EFNA5: variants seen among roughly 807,000 people sequenced by gnomAD.
EFNA5 encodes ephrin A5, also known as ephrin-A5.
Under a neutral mutation model 22.9 loss-of-function variants are expected in EFNA5, and 5 were observed. The ratio of observed to expected loss-of-function variants is 0.22; its 90% CI spans 0.11 to 0.46. EFNA5 has a LOEUF of 0.46. EFNA5 is among the 20% of genes least tolerant of loss of function. The pLI is 0.99. For missense variants in EFNA5, 237 were observed against 293.3 expected (o/e 0.81, Z 1.40); for synonymous variants, 113 against 112.2 (o/e 1.01, Z -0.04).
chr5:107,435,897 T>C (rs1468315951), intron 1 of EFNA5, among the ~76,000 whole-genome samples: 1 of 152,230 alleles, frequency 6.6e-6, no homozygotes, highest in Non-Finnish European at 1.5e-5. Flanking sequence ...TTACCTTAAG[T>C]TCAGTAACTG....
intron 1 of EFNA5, among the ~76,000 whole-genome samples, chr5:107,650,047 C>T (rs1750698242): frequency 6.6e-6 from 1 of 152,064 alleles, no homozygotes; most frequent in Non-Finnish European, 1.5e-5. Context: ...CCTCAAGAAT[C>T]TTAGAATCTA....
chr5:107,491,903 C>T (rs568780565), intron 1 of EFNA5, among the ~76,000 whole-genome samples: 7 of 152,230 alleles, frequency 4.6e-5, no homozygotes, highest in South Asian at 4.1e-4. Context: ...GGTGCAATCT[C>T]GGCTCACTGC....
intron 1 of EFNA5, among the ~76,000 whole-genome samples, chr5:107,551,636 C>A (rs770755029): frequency 6.6e-6 from 1 of 152,058 alleles, no homozygotes; most frequent in South Asian, 2.1e-4. Flanking sequence ...TTTAGCAACT[C>A]CCTGCCGATC....
intron 1 of EFNA5, among the ~76,000 whole-genome samples, chr5:107,549,475 T>C (rs935633569): frequency 1.4e-4 from 22 of 152,226 alleles, no homozygotes; most frequent in Admixed American, 2.0e-4. Flanking sequence ...AGTAGCAGCT[T>C]GTTAGTCCCC....
intron 1 of EFNA5, among the ~76,000 whole-genome samples, chr5:107,622,654 A>G (rs922709178): frequency 2.6e-5 from 4 of 152,070 alleles, no homozygotes; most frequent in Admixed American, 6.6e-5. Flanking sequence ...CCTGATGTCA[A>G]TATTATTATT....
chr5:107,518,115 A>G (rs982790494), intron 1 of EFNA5, among the ~76,000 whole-genome samples: 1 of 152,074 alleles, frequency 6.6e-6, no homozygotes, highest in Non-Finnish European at 1.5e-5. Flanking sequence ...GCTACAGGAG[A>G]GATGAAAGGT....
At chr5:107,574,102 T>G (rs574990484) in intron 1 of EFNA5, among the ~76,000 whole-genome samples, 7 of 152,358 alleles carry the variant, frequency 4.6e-5, no homozygotes, top group Admixed American at 3.3e-4. Context: ...ACTACTATTT[T>G]ATTTCAAGTA....
In EFNA5 at chr5:107,565,678, T is replaced by G. The variant is rs916304909; in HGVS notation, c.125+104811A>C. Among the ~76,000 whole-genome samples the G allele has an allele frequency of 4.6e-5, 7 of 152,326 alleles. No homozygotes were observed. The East Asian group carries it at 1.3e-3, about 29-fold the overall frequency. Reference sequence around the variant, plus strand: ...GCCAAATAATGCTAGGTATATATATTAAACACAAAAGCCTGCAAGAAAACT... The same window carrying G: ...GCCAAATAATGCTAGGTATATATATGAAACACAAAAGCCTGCAAGAAAACT... On this transcript the variant is annotated intron_variant, in intron 1 of 4. Transcript: ENST00000333274.
intron 2 of EFNA5, among the ~76,000 whole-genome samples, chr5:107,391,315 G>A (rs1251263812): frequency 6.6e-6 from 1 of 152,142 alleles, no homozygotes; most frequent in Non-Finnish European, 1.5e-5. Context: ...CGTACCTGGA[G>A]GGATCCATGT....
intron 3 of EFNA5, 22 bp from the exon 4 acceptor site, chr5:107,387,337 C>G (rs1479723326): frequency 6.6e-7 from 1 of 1,512,014 alleles, no homozygotes; most frequent in African/African-American, 1.4e-5. Flanking sequence ...ATAGAGATAA[C>G]AGCCAAATAT....
At chr5:107,517,171 A>AT (rs1747498134) in intron 1 of EFNA5, among the ~76,000 whole-genome samples, 2 of 152,026 alleles carry the variant, frequency 1.3e-5, no homozygotes, top group Admixed American at 1.3e-4. Context: ...AAAAAAAAAA[A>AT]GATGGAAAAA....
chr5:107,532,038 C>A (rs565741463), intron 1 of EFNA5, among the ~76,000 whole-genome samples: 1 of 152,170 alleles, frequency 6.6e-6, no homozygotes, highest in African/African-American at 2.4e-5. Context: ...CAAATAGATG[C>A]CCCTTTCTGA....
chr5:107,644,874 T>C (rs1266902066), intron 1 of EFNA5, among the ~76,000 whole-genome samples: 7 of 152,192 alleles, frequency 4.6e-5, no homozygotes, highest in Non-Finnish European at 1.0e-4. Context: ...GCTAATTTTG[T>C]ATTTTTAGTA....
At chr5:107,612,448 C>A (rs1218893583) in intron 1 of EFNA5, among the ~76,000 whole-genome samples, 2 of 151,770 alleles carry the variant, frequency 1.3e-5, no homozygotes, top group South Asian at 2.1e-4. Context: ...TCATCAATAG[C>A]CCAAGCAAGC....
intron 2 of EFNA5, among the ~76,000 whole-genome samples, chr5:107,411,750 C>T (rs1313071996): frequency 6.6e-6 from 1 of 152,186 alleles, no homozygotes; most frequent in African/African-American, 2.4e-5. Context: ...TCACGCCTGG[C>T]TATTTTTAAA....
intron 1 of EFNA5, among the ~76,000 whole-genome samples, chr5:107,665,037 G>A (rs1243923377): frequency 6.6e-6 from 1 of 152,064 alleles, no homozygotes; most frequent in Non-Finnish European, 1.5e-5. Context: ...TAGACCAAAT[G>A]CTACCCAACA....
At chr5:107,534,729 T>G (rs1016494706) in intron 1 of EFNA5, among the ~76,000 whole-genome samples, 6 of 152,170 alleles carry the variant, frequency 3.9e-5, no homozygotes, top group South Asian at 2.1e-4. Context: ...CAGCACTGAA[T>G]TGGGGTGAAA....
At chr5:107,618,907 T>A (rs140464254) in intron 1 of EFNA5, among the ~76,000 whole-genome samples, 41 of 152,214 alleles carry the variant, frequency 2.7e-4, no homozygotes, top group Admixed American at 7.2e-4. Flanking sequence ...AATGTGCCTA[T>A]GCCAGTTGTG....
At chr5:107,626,489 C>T (rs1169995986) in intron 1 of EFNA5, among the ~76,000 whole-genome samples, 1 of 152,036 alleles carries the variant, frequency 6.6e-6, no homozygotes, top group Non-Finnish European at 1.5e-5. Flanking sequence ...CTATGTTGCC[C>T]AGACTGGTCT....
Sources: allele counts gnomAD v4.1 joint callset (sites outside exome capture counted in the v4.1 genomes callset), GRCh38; gene constraint gnomAD v4.1.1; transcripts MANE v1.5; gene names NCBI Gene and HGNC (gene_info 2026-07-23, HGNC 2026-07-21).